The following RXFP2 variants were observed in gnomAD, a reference collection of about 807,000 sequenced individuals.
The protein encoded by RXFP2 is relaxin receptor 2.
In RXFP2, 68 loss-of-function variants were observed where a neutral mutation model predicts 88.6. The ratio of observed to expected loss-of-function variants is 0.77; its 90% CI spans 0.63 to 0.94. RXFP2 has a LOEUF of 0.94. Among genes scored for constraint, RXFP2 ranks in the 40% least tolerant of loss-of-function variants. The probability of loss-of-function intolerance (pLI) is 0.00; values close to 1 mark genes in which losing one functional copy is unlikely to be tolerated. For missense variants in RXFP2, 791 were observed against 893.9 expected (o/e 0.88, Z 1.47); for synonymous variants, 329 against 306.8 (o/e 1.07, Z -0.76).
At chr13:31,793,129 G>A in intron 16 of RXFP2, 41 bp downstream of exon 16, 4 of 1,526,060 alleles carry the variant, frequency 2.6e-6, no homozygotes, top group Non-Finnish European at 3.6e-6. Flanking sequence ...ACATAATTTT[G>A]CTAGAAATAC....
chr13:31,777,491 A>G, intron 8 of RXFP2, 44 bp downstream of exon 8: 1 of 1,357,362 alleles, frequency 7.4e-7, no homozygotes, highest in Non-Finnish European at 1.1e-6. Flanking sequence ...GATACATTGC[A>G]ATGACATCTA....
At chr13:31,753,851 C>A (rs1871791626) in intron 1 of RXFP2, among the ~76,000 whole-genome samples, 1 of 151,692 alleles carries the variant, frequency 6.6e-6, no homozygotes, top group Non-Finnish European at 1.5e-5. Flanking sequence ...CACATGTTCA[C>A]TTAAAAAGTT....
At chr13:31,745,618 G>C (rs1871377583) in intron 1 of RXFP2, among the ~76,000 whole-genome samples, 1 of 152,204 alleles carries the variant, frequency 6.6e-6, no homozygotes, top group Non-Finnish European at 1.5e-5. Context: ...GCTCCCTGCA[G>C]AACAAGTGGT....
At chr13:31,744,815 G>T (rs9548933) in intron 1 of RXFP2, among the ~76,000 whole-genome samples, 4,042 of 151,724 alleles carry the variant, frequency 0.027, 76 homozygotes, top group East Asian at 0.075. Flanking sequence ...CTTATTTCAT[G>T]ATATATTCCT....
intron 4 of RXFP2, among the ~76,000 whole-genome samples, chr13:31,765,681 T>A (rs1231964249): frequency 1.3e-5 from 2 of 152,178 alleles, no homozygotes. Flanking sequence ...GGTTTGTTAA[T>A]GCACCCACAG....
chr13:31,799,287 C>T (rs1036416924), intron 17 of RXFP2, among the ~76,000 whole-genome samples: 51 of 152,094 alleles, frequency 3.4e-4, no homozygotes, highest in Non-Finnish European at 7.3e-5. Context: ...TCCCAACTGA[C>T]TGCAACCTCT....
chr13:31,743,417 G>A lies in RXFP2; in HGVS notation c.94+3711G>A, dbSNP rs568897648. ...TGAGAGGCGGAGGTTGCAGTGAGCC[G>A]AGACTGCGCCACTGTACTCCAGCCT... On this transcript the variant is annotated intron_variant, in intron 1 of 17. Transcript: ENST00000298386. Among the ~76,000 whole-genome samples the A allele has an allele frequency of 4.6e-5, 7 of 151,886 alleles. 1 individual carries two copies. Among genetic ancestry groups the A allele is most frequent in the African/African-American group, 1.4e-4 (6 of 41,436 alleles).
Position 31,775,408 on chromosome 13 carries a change from C to T in RXFP2, c.641+19C>T. On this transcript the variant is annotated intron_variant, in intron 7 of 17. Transcript: ENST00000298386. ...CTTGGCTGTAAGTACTCTAATTCTTCTTTCTCCCATAGAGGATCATAGTCT... is the reference window on the plus strand; with the variant it reads ...CTTGGCTGTAAGTACTCTAATTCTTTTTTCTCCCATAGAGGATCATAGTCT... 1 of 1,541,138 alleles carries T rather than the reference C, an allele frequency of 6.5e-7. No homozygotes were observed. Among genetic ancestry groups the T allele is most frequent in the Non-Finnish European group, 9.0e-7 (1 of 1,113,536 alleles).
At position 31,802,575 on chromosome 13, in the gene RXFP2, C is replaced by A; in HGVS notation, c.*170C>A. 2 of 766,994 alleles carry A rather than the reference C, an allele frequency of 2.6e-6. No individual in the cohort carries two copies. The highest frequency in any genetic ancestry group is 1.5e-5 in the South Asian group (1 of 65,856). The allele number at this position is 766,994 out of a possible 1,614,324, so 47.5% of individuals were successfully genotyped here. A position where few individuals can be genotyped will look rare whatever the true frequency, so the allele number is the denominator to read the frequency against. On this transcript the variant is annotated 3_prime_UTR_variant, in exon 18 of 18. Coordinates refer to ENST00000298386, the MANE Select transcript of RXFP2 (RefSeq NM_130806.5). ...ATTCCAATGGCAGCTGTACTATCTA[C>A]CAACCATGCTGAGGACAGCACCAAA...
intron 1 of RXFP2, among the ~76,000 whole-genome samples, chr13:31,755,600 CAGG>C (rs1453967342): frequency 6.6e-6 from 1 of 152,204 alleles, no homozygotes; most frequent in Non-Finnish European, 1.5e-5. Context: ...GTTCCAAACA[CAGG>C]AGGACTACTC....
Position 31,802,685 on chromosome 13 carries a change from C to T in RXFP2, c.*280C>T, listed in dbSNP as rs1874414192. 4.6e-6 allele frequency: 2 copies of T among 437,436 alleles called. No homozygotes were observed. The highest frequency in any genetic ancestry group is 4.4e-5 in the South Asian group (2 of 45,744). The allele number at this position is 437,436 out of a possible 1,614,324, so 27.1% of individuals were successfully genotyped here. A position where few individuals can be genotyped will look rare whatever the true frequency, so the allele number is the denominator to read the frequency against. On this transcript the variant is annotated 3_prime_UTR_variant, in exon 18 of 18. Transcript: ENST00000298386. ...GAGGTGCAGCTGATCTCTAGCTAATCAACACAACCCACCAACAAATGACCA... is the reference window on the plus strand; with the variant it reads ...GAGGTGCAGCTGATCTCTAGCTAATTAACACAACCCACCAACAAATGACCA...
chr13:31,802,154 A>G lies in RXFP2; in HGVS notation c.2014A>G (p.Thr672Ala). ...LFRVEIPDTMTSWIVIFFLPV... is the reference protein window; with the variant it reads ...LFRVEIPDTMASWIVIFFLPV... The stretch of plus-strand genomic sequence containing the variant: ...TTTGCTTCCTTTTCCAGACACAATG[A>G]CTTCCTGGATAGTGATTTTTTTCCT... The change falls in exon 18 of 18, where the codon ACT (threonine) becomes GCT (alanine). Residue 672 changes from threonine (T) to alanine (A), a missense_variant. Thr to Ala is a moderately conservative substitution (Grantham distance 58). Coordinates refer to ENST00000298386, the MANE Select transcript of RXFP2 (RefSeq NM_130806.5). 6.2e-7 allele frequency: 1 copy of G among 1,614,020 alleles called. No homozygotes were observed. The highest frequency in any genetic ancestry group is 8.5e-7 in the Non-Finnish European group (1 of 1,179,956).
intron 2 of RXFP2, among the ~76,000 whole-genome samples, chr13:31,759,426 A>AAAG (rs1566218567): frequency 8.7e-5 from 13 of 149,094 alleles, no homozygotes; most frequent in African/African-American, 1.7e-4. Flanking sequence ...AGAAAGAAAG[A>AAAG]AAGAAAGAAA....
chr13:31,745,729 T>G (rs1871382154), intron 1 of RXFP2, among the ~76,000 whole-genome samples: 1 of 152,152 alleles, frequency 6.6e-6, no homozygotes, highest in African/African-American at 2.4e-5. Context: ...ATAGTATCAG[T>G]TTTTTCTGTG....
In RXFP2 at chr13:31,777,452, G is replaced by GT. The variant is rs1471993235; in HGVS notation, c.713+6dup. 1 of 1,593,554 alleles carries GT rather than the reference G, an allele frequency of 6.3e-7. No homozygotes were observed. Among genetic ancestry groups the GT allele is most frequent in the Non-Finnish European group, 8.6e-7 (1 of 1,162,616 alleles). Reference sequence around the variant, plus strand: ...ATTAAATTCCTTGTTTTTCCTGTAAGTATTCATCAACCTTTCAATACATCT... The same window carrying GT: ...ATTAAATTCCTTGTTTTTCCTGTAAGTTATTCATCAACCTTTCAATACATCT... On this transcript the variant is annotated splice_donor_region_variant and intron_variant, in intron 8 of 17. Coordinates refer to ENST00000298386, the MANE Select transcript of RXFP2 (RefSeq NM_130806.5).
At chr13:31,757,760 C>T (rs1474061073) in intron 1 of RXFP2, among the ~76,000 whole-genome samples, 1 of 152,042 alleles carries the variant, frequency 6.6e-6, no homozygotes, top group Non-Finnish European at 1.5e-5. Context: ...GGATTCTGTT[C>T]TTGATATAGC....
intron 5 of RXFP2, among the ~76,000 whole-genome samples, chr13:31,770,977 T>G (rs1593458315): frequency 6.6e-6 from 1 of 152,046 alleles, no homozygotes; most frequent in African/African-American, 2.4e-5. Flanking sequence ...GAAAGAAACA[T>G]AAGCAGAAAT....
At position 31,774,612 on chromosome 13, in the gene RXFP2, C is replaced by T. The variant is rs780985729; in HGVS notation, c.498-8C>T. The stretch of plus-strand genomic sequence containing the variant: ...AATCACCTGACTCTCTTATCTTATT[C>T]CTACCAGATTTCTTCAGCATAATTG... On this transcript the variant is annotated splice_polypyrimidine_tract_variant and splice_region_variant and intron_variant, in intron 5 of 17. Coordinates refer to ENST00000298386, the MANE Select transcript of RXFP2 (RefSeq NM_130806.5). The T allele has an allele frequency of 4.8e-6, 7 of 1,451,532 alleles. No homozygotes were observed. The East Asian group carries it at 1.6e-4, about 33-fold the overall frequency. 89.9% of individuals were successfully genotyped at this position (1,451,532 alleles called of 1,614,324 possible). A position where few individuals can be genotyped will look rare whatever the true frequency, so the allele number is the denominator to read the frequency against.
chr13:31,751,358 G>C (rs1295663275), intron 1 of RXFP2, among the ~76,000 whole-genome samples: 1 of 152,076 alleles, frequency 6.6e-6, no homozygotes, highest in African/African-American at 2.4e-5. Flanking sequence ...TGAATGCAGA[G>C]TCTGAGAAAG....
Sources: allele counts gnomAD v4.1 joint callset (sites outside exome capture counted in the v4.1 genomes callset), GRCh38; gene constraint gnomAD v4.1.1; transcripts MANE v1.5; gene names NCBI Gene and HGNC (gene_info 2026-07-23, HGNC 2026-07-21).